The following RBMS3 variants were observed in gnomAD, a reference collection of about 807,000 sequenced individuals.
The protein encoded by RBMS3 is RNA-binding motif, single-stranded-interacting protein 3.
In RBMS3, 27 loss-of-function variants were observed where a neutral mutation model predicts 66.8. That is an observed-to-expected ratio of 0.40 (90% CI 0.30 to 0.56). The LOEUF is 0.56. RBMS3 is among the 20% of genes least tolerant of loss of function. The probability of loss-of-function intolerance (pLI) is 0.40; values close to 1 mark genes in which losing one functional copy is unlikely to be tolerated. For missense variants in RBMS3, 513 were observed against 549.5 expected, an observed-to-expected ratio of 0.93 and a Z score of 0.66; for synonymous variants, 188 against 183.0, an observed-to-expected ratio of 1.03 and a Z score of -0.22.
intron 4 of RBMS3, among the ~76,000 whole-genome samples, chr3:29,597,108 AT>A (rs1352391462): frequency 3.9e-5 from 6 of 152,174 alleles, no homozygotes; most frequent in Non-Finnish European, 8.8e-5. Flanking sequence ...TAACTCTTAT[AT>A]TTTAGAAGTC....
intron 1 of RBMS3, among the ~76,000 whole-genome samples, chr3:29,382,687 C>G (rs2038817752): frequency 6.6e-6 from 1 of 152,144 alleles, no homozygotes; most frequent in Non-Finnish European, 1.5e-5. Context: ...AACATCTTTC[C>G]AATTTTAACA....
At chr3:29,882,906 A>G (rs1363186097) in intron 7 of RBMS3, among the ~76,000 whole-genome samples, 1 of 152,092 alleles carries the variant, frequency 6.6e-6, no homozygotes, top group Non-Finnish European at 1.5e-5. Context: ...TGAAGAATTT[A>G]TAGACTCACA....
intron 6 of RBMS3, among the ~76,000 whole-genome samples, chr3:29,791,852 AT>A (rs1169093008): frequency 2.6e-5 from 4 of 152,210 alleles, no homozygotes; most frequent in Admixed American, 6.5e-5. Flanking sequence ...TGAGCATAAA[AT>A]AAAAAAAACT....
chr3:29,338,242 C>T (rs913238894), intron 1 of RBMS3, among the ~76,000 whole-genome samples: 1 of 152,090 alleles, frequency 6.6e-6, no homozygotes, highest in Admixed American at 6.6e-5. Flanking sequence ...AGTATCAATT[C>T]TAGCATCTTA....
chr3:29,359,329 G>T (rs1400506337), intron 1 of RBMS3, among the ~76,000 whole-genome samples: 1 of 152,194 alleles, frequency 6.6e-6, no homozygotes, highest in African/African-American at 2.4e-5. Flanking sequence ...CATTGGTTCT[G>T]TTTATATGCT....
At chr3:29,693,799 G>A (rs1667963665) in intron 4 of RBMS3, among the ~76,000 whole-genome samples, 2 of 152,000 alleles carry the variant, frequency 1.3e-5, no homozygotes, top group South Asian at 2.1e-4. Flanking sequence ...ATTGATTTTT[G>A]TTCATCCTAA....
chr3:29,439,925 G>A (rs924854153), intron 2 of RBMS3, among the ~76,000 whole-genome samples: 1 of 152,156 alleles, frequency 6.6e-6, no homozygotes, highest in African/African-American at 2.4e-5. Context: ...AGAACACTTG[G>A]ATCATATATA....
At chr3:29,431,792 C>G (rs959470100) in intron 1 of RBMS3, among the ~76,000 whole-genome samples, 1 of 152,168 alleles carries the variant, frequency 6.6e-6, no homozygotes. Context: ...GTGGCGCCAT[C>G]ATGGCTCACT....
chr3:29,627,298 C>G (rs369145104), intron 4 of RBMS3, among the ~76,000 whole-genome samples: 6 of 146,110 alleles, frequency 4.1e-5, no homozygotes, highest in African/African-American at 1.3e-4. Context: ...CTCTCTCTCT[C>G]TGTCTCTCTC....
chr3:29,593,433 AAGGGCTCCCTAT>A (rs2047829888), intron 4 of RBMS3, among the ~76,000 whole-genome samples: 1 of 152,148 alleles, frequency 6.6e-6, no homozygotes, highest in Non-Finnish European at 1.5e-5. Context: ...GAGGCTTCTC[AAGGGCTCCCTAT>A]GTAGGAAGGA....
chr3:29,535,399 G>A (rs1040292464), intron 3 of RBMS3, among the ~76,000 whole-genome samples: 3 of 152,082 alleles, frequency 2.0e-5, no homozygotes, highest in African/African-American at 7.2e-5. Flanking sequence ...TTCATTATAT[G>A]TTAAACTGTA....
chr3:29,772,178 C>T (rs561507773), intron 6 of RBMS3, among the ~76,000 whole-genome samples: 52 of 152,112 alleles, frequency 3.4e-4, no homozygotes, highest in Non-Finnish European at 6.9e-4. Flanking sequence ...GGATTTCCCC[C>T]CTAGAGCCTC....
At chr3:29,294,131 A>C (rs2033053304) in intron 1 of RBMS3, among the ~76,000 whole-genome samples, 1 of 151,822 alleles carries the variant, frequency 6.6e-6, no homozygotes, top group African/African-American at 2.4e-5. Context: ...TAAGGTCATA[A>C]GAAAAGGTTT....
chr3:29,953,993 T>G (rs950293933), intron 12 of RBMS3, among the ~76,000 whole-genome samples: 49 of 152,006 alleles, frequency 3.2e-4, no homozygotes, highest in African/African-American at 1.1e-3. Flanking sequence ...TTGTATGTTC[T>G]TGATTTCATC....
rs17023244 is a variant in RBMS3, at chr3:29,313,164, G to A, written c.75+31408G>A. Among the ~76,000 whole-genome samples the A allele has an allele frequency of 2.8e-3, 427 of 151,844 alleles. 2 individuals carry two copies. The highest frequency in any genetic ancestry group is 9.7e-3 in the African/African-American group (403 of 41,480). ...CACATCATTTTTCAAACCTTGGAAC[G>A]ATGAGATGGCATTTCAAGTAAGGGT... On this transcript the variant is annotated intron_variant, in intron 1 of 14. Coordinates refer to ENST00000383767, the MANE Select transcript of RBMS3 (RefSeq NM_001003793.3).
chr3:29,887,833 G>A (rs9826958), intron 8 of RBMS3, among the ~76,000 whole-genome samples: 40,298 of 151,600 alleles, frequency 0.27, 5,448 homozygotes, highest in Admixed American at 0.29. Flanking sequence ...TCTCTAATGC[G>A]CAATTTAAAA....
chr3:29,298,687 C>T (rs1443099145), intron 1 of RBMS3, among the ~76,000 whole-genome samples: 2 of 151,638 alleles, frequency 1.3e-5, no homozygotes, highest in Non-Finnish European at 2.9e-5. Flanking sequence ...CATCTACCTT[C>T]TCCCACCCTT....
intron 4 of RBMS3, among the ~76,000 whole-genome samples, chr3:29,620,485 A>T (rs950789367): frequency 6.6e-6 from 1 of 152,156 alleles, no homozygotes; most frequent in Non-Finnish European, 1.5e-5. Flanking sequence ...CTTAGGGGCT[A>T]CAATTACGAT....
intron 6 of RBMS3, among the ~76,000 whole-genome samples, chr3:29,865,367 G>A (rs2149543424): frequency 6.6e-6 from 1 of 152,212 alleles, no homozygotes; most frequent in South Asian, 2.1e-4. Context: ...GCTTCAAAGA[G>A]TAGAAATATG....
Sources: gnomAD v4.1 joint callset for allele counts (sites outside exome capture counted in the v4.1 genomes callset) on GRCh38, gnomAD v4.1.1 for gene constraint, MANE v1.5 for transcripts, NCBI Gene and HGNC (gene_info 2026-07-23, HGNC 2026-07-21) for gene names.